The following GABBR2 variants were observed in gnomAD, a reference collection of about 807,000 sequenced individuals.
GABBR2 encodes gamma-aminobutyric acid type B receptor subunit 2, also known as G-protein coupled receptor 51.
Under a neutral mutation model 105.6 loss-of-function variants are expected in GABBR2, and 23 were observed. The ratio of observed to expected loss-of-function variants is 0.22; its 90% CI spans 0.16 to 0.31. The LOEUF (loss-of-function observed/expected upper bound fraction) is 0.31, where lower values mean the gene tolerates loss of function less well. Ranked by LOEUF, GABBR2 falls within the 10% of genes least tolerant of loss-of-function variation. The probability of loss-of-function intolerance (pLI) is 1.00; values close to 1 mark genes in which losing one functional copy is unlikely to be tolerated. For synonymous variants in GABBR2, 478 were observed against 499.7 expected (o/e 0.96, Z 0.58); for missense variants, 734 against 1,245.5 (o/e 0.59, Z 6.18).
rs183809318 is a variant in GABBR2 at position 98,376,874 on chromosome 9, G to A, written c.1663-5303C>T. Among the ~76,000 whole-genome samples the A allele has an allele frequency of 1.3e-3, 201 of 152,170 alleles. 1 individual carries two copies. Among genetic ancestry groups the A allele is most frequent in the Non-Finnish European group, 6.5e-4 (44 of 67,994 alleles). On this transcript the variant is annotated intron_variant, in intron 11 of 18. Transcript: ENST00000259455. ...CTAGGGGCCATCTTAGAAGCCTTGG[G>A]GCAAATCAGAGAGAGGTTTCTCCTC... is the stretch of plus-strand genomic sequence containing the variant.
chr9:98,333,676 T>A (rs1466991287), intron 13 of GABBR2, among the ~76,000 whole-genome samples: 1 of 152,168 alleles, frequency 6.6e-6, no homozygotes, highest in Non-Finnish European at 1.5e-5. Context: ...AAGACCCCTT[T>A]AGCAAATAAG....
chr9:98,357,965 T>C (rs1472816381), intron 13 of GABBR2, among the ~76,000 whole-genome samples: 3 of 152,246 alleles, frequency 2.0e-5, no homozygotes, highest in South Asian at 2.1e-4. Flanking sequence ...CTGTTTTGGG[T>C]ATTCATGCGT....
intron 1 of GABBR2, among the ~76,000 whole-genome samples, chr9:98,616,747 G>A (rs534791384): frequency 1.5e-4 from 10 of 67,042 alleles, no homozygotes; most frequent in South Asian, 7.6e-4. Flanking sequence ...GTGAGACTCC[G>A]TCTCAAAAAA....
chr9:98,529,432 G>A (rs749170869), intron 3 of GABBR2, among the ~76,000 whole-genome samples: 2 of 152,294 alleles, frequency 1.3e-5, no homozygotes, highest in South Asian at 2.1e-4. Context: ...AAGCCATTTC[G>A]ATAGCAAGAG....
intron 18 of GABBR2, among the ~76,000 whole-genome samples, chr9:98,292,418 G>A (rs1359650525): frequency 6.6e-6 from 1 of 152,184 alleles, no homozygotes; most frequent in Admixed American, 6.5e-5. Context: ...AACTCATGGG[G>A]GCAGCCTTAT....
At chr9:98,399,494 T>C (rs1008820250) in intron 8 of GABBR2, among the ~76,000 whole-genome samples, 2 of 152,148 alleles carry the variant, frequency 1.3e-5, no homozygotes, top group African/African-American at 4.8e-5. Context: ...CACTTTGCTG[T>C]TGTCTGTGTC....
chr9:98,376,801 A>T (rs979445080), intron 11 of GABBR2, among the ~76,000 whole-genome samples: 12 of 152,130 alleles, frequency 7.9e-5, no homozygotes, highest in African/African-American at 2.7e-4. Context: ...TGCAGGGGGC[A>T]AAGGTGACTC....
chr9:98,508,439 C>A (rs376555324), intron 3 of GABBR2, among the ~76,000 whole-genome samples: 2 of 152,238 alleles, frequency 1.3e-5, no homozygotes, highest in Admixed American at 1.3e-4. Flanking sequence ...TGCAGCGCAC[C>A]GTGCGCGAGC....
chr9:98,520,656 G>T, intron 3 of GABBR2, among the ~76,000 whole-genome samples: 1 of 152,232 alleles, frequency 6.6e-6, no homozygotes, highest in African/African-American at 2.4e-5. Context: ...GAAGCACAAG[G>T]CTTTCAAAGG....
chr9:98,707,699 C>G (rs969620540), intron 1 of GABBR2, among the ~76,000 whole-genome samples: 3 of 152,226 alleles, frequency 2.0e-5, no homozygotes, highest in Admixed American at 1.3e-4. Context: ...GCGGCGCGGC[C>G]GGACACCACT....
intron 2 of GABBR2, among the ~76,000 whole-genome samples, chr9:98,560,456 T>C (rs1214968127): frequency 2.0e-5 from 3 of 147,366 alleles, no homozygotes; most frequent in Non-Finnish European, 3.0e-5. Context: ...CACACACACA[T>C]ATATACATGC....
chr9:98,377,795 G>A (rs1194416682), intron 11 of GABBR2, among the ~76,000 whole-genome samples: 1 of 152,132 alleles, frequency 6.6e-6, no homozygotes, highest in Non-Finnish European at 1.5e-5. Flanking sequence ...GGAGGCCACT[G>A]TCATCAAGCG....
intron 7 of GABBR2, among the ~76,000 whole-genome samples, chr9:98,412,386 C>T (rs944332705): frequency 6.6e-6 from 1 of 152,284 alleles, no homozygotes; most frequent in Non-Finnish European, 1.5e-5. Context: ...TCCGGGTTGT[C>T]GAGTGTGCCT....
chr9:98,580,890 T>C (rs1047076453), intron 1 of GABBR2, among the ~76,000 whole-genome samples: 2 of 152,206 alleles, frequency 1.3e-5, no homozygotes, highest in Non-Finnish European at 2.9e-5. Flanking sequence ...CTCCATTCTG[T>C]GTCCTCCTCA....
chr9:98,345,145 C>T (rs971876865), intron 13 of GABBR2, among the ~76,000 whole-genome samples: 2 of 152,182 alleles, frequency 1.3e-5, no homozygotes, highest in Non-Finnish European at 2.9e-5. Context: ...AATCCACACC[C>T]TTCTCTGTTC....
chr9:98,305,495 G>T (rs1186934256), intron 15 of GABBR2, among the ~76,000 whole-genome samples: 1 of 152,202 alleles, frequency 6.6e-6, no homozygotes, highest in East Asian at 1.9e-4. Context: ...CAAAATGTGT[G>T]CTATAGTTAT....
intron 13 of GABBR2, among the ~76,000 whole-genome samples, chr9:98,337,253 CAA>C (rs1457098972): frequency 6.6e-6 from 1 of 152,060 alleles, no homozygotes; most frequent in East Asian, 1.9e-4. Flanking sequence ...TGCAGTGAGC[CAA>C]GATTGCACCA....
intron 1 of GABBR2, 31 bp downstream of exon 1, chr9:98,708,386 G>A (rs1206344141): frequency 7.4e-7 from 1 of 1,350,062 alleles, no homozygotes; most frequent in East Asian, 2.9e-5. Flanking sequence ...GCCCCCCGAA[G>A]CCCCGACGGC....
At chr9:98,578,130 C>T in intron 1 of GABBR2, 58 bp from the exon 2 acceptor site, 8 of 1,587,750 alleles carry the variant, frequency 5.0e-6, no homozygotes, top group Non-Finnish European at 6.9e-6. Flanking sequence ...TCCCCAGGGG[C>T]ATGAGCCCAA....
Sources: allele counts gnomAD v4.1 joint callset (sites outside exome capture counted in the v4.1 genomes callset), GRCh38; gene constraint gnomAD v4.1.1; transcripts MANE v1.5; gene names NCBI Gene and HGNC (gene_info 2026-07-23, HGNC 2026-07-21).